DNAJC5B: variants seen among roughly 807,000 people sequenced by gnomAD.
The protein encoded by DNAJC5B is DnaJ heat shock protein family (Hsp40) member C5 beta.
Under a neutral mutation model 24.7 loss-of-function variants are expected in DNAJC5B, and 23 were observed. That is an observed-to-expected ratio of 0.93 (90% CI 0.67 to 1.32). The LOEUF (loss-of-function observed/expected upper bound fraction) is 1.32. Ranked by LOEUF, DNAJC5B falls within the 40% of genes most tolerant of loss-of-function variation. DNAJC5B has a pLI of 0.00. For synonymous variants in DNAJC5B, 101 were observed against 90.1 expected (o/e 1.12, Z -0.68); for missense variants, 238 against 240.8 (o/e 0.99, Z 0.08).
At chr8:66,032,447 A>T (rs1806379526) in intron 1 of DNAJC5B, among the ~76,000 whole-genome samples, 2 of 152,170 alleles carry the variant, frequency 1.3e-5, no homozygotes, top group Non-Finnish European at 2.9e-5. Context: ...CTTTGTGTGG[A>T]TATTATTATT....
At chr8:66,093,823 T>C (rs924106105) in intron 5 of DNAJC5B, among the ~76,000 whole-genome samples, 1 of 152,186 alleles carries the variant, frequency 6.6e-6, no homozygotes, top group Non-Finnish European at 1.5e-5. Flanking sequence ...GATGTTCTCC[T>C]ATATAGATTT....
At chr8:66,035,982 C>A (rs776187979) in intron 1 of DNAJC5B, among the ~76,000 whole-genome samples, 2 of 152,190 alleles carry the variant, frequency 1.3e-5, no homozygotes, top group African/African-American at 2.4e-5. Context: ...GCTTTCCCTT[C>A]TAAATGGCAA....
chr8:66,046,100 C>T (rs1271499327), intron 2 of DNAJC5B, among the ~76,000 whole-genome samples: 1 of 152,154 alleles, frequency 6.6e-6, no homozygotes, highest in Admixed American at 6.5e-5. Context: ...AGCCACAGGG[C>T]TTCCTGGAAA....
intron 1 of DNAJC5B, among the ~76,000 whole-genome samples, chr8:66,039,997 C>A (rs1361250053): frequency 6.6e-6 from 1 of 152,140 alleles, no homozygotes. Flanking sequence ...TAGTATAATT[C>A]TTGGCACATC....
At chr8:66,055,249 A>T (rs955885577) in intron 3 of DNAJC5B, among the ~76,000 whole-genome samples, 2 of 152,240 alleles carry the variant, frequency 1.3e-5, no homozygotes, top group Non-Finnish European at 2.9e-5. Context: ...TTCTCCCTAA[A>T]TTACACATTT....
intron 2 of DNAJC5B, among the ~76,000 whole-genome samples, chr8:66,048,575 T>G (rs1046721919): frequency 6.6e-6 from 1 of 152,034 alleles, no homozygotes; most frequent in Non-Finnish European, 1.5e-5. Flanking sequence ...TGGTCTAAAC[T>G]CCCCTCATCT....
chr8:66,096,762 A>G (rs1444175739), intron 5 of DNAJC5B, among the ~76,000 whole-genome samples: 1 of 152,066 alleles, frequency 6.6e-6, no homozygotes, highest in Non-Finnish European at 1.5e-5. Context: ...TTATTTTTAA[A>G]TGTAGCTTGG....
At chr8:66,047,652 T>C (rs1439145168) in intron 2 of DNAJC5B, among the ~76,000 whole-genome samples, 3 of 152,210 alleles carry the variant, frequency 2.0e-5, no homozygotes, top group Non-Finnish European at 4.4e-5. Context: ...CCTAATTCCC[T>C]GTTCTCCTTC....
At chr8:66,049,565 A>G (rs1335012982) in intron 2 of DNAJC5B, among the ~76,000 whole-genome samples, 1 of 152,232 alleles carries the variant, frequency 6.6e-6, no homozygotes, top group Non-Finnish European at 1.5e-5. Flanking sequence ...AGTAGGCTCT[A>G]TTATCTAGGT....
chr8:66,082,251 A>G (rs1807612234), intron 5 of DNAJC5B, among the ~76,000 whole-genome samples: 1 of 151,992 alleles, frequency 6.6e-6, no homozygotes, highest in African/African-American at 2.4e-5. Flanking sequence ...CCACTGGGTC[A>G]ACCTAACTGA....
At chr8:66,079,801 A>T (rs1586107649) in intron 4 of DNAJC5B, among the ~76,000 whole-genome samples, 2 of 152,314 alleles carry the variant, frequency 1.3e-5, no homozygotes, top group East Asian at 3.9e-4. Context: ...GAGGCTGCTG[A>T]AGTGTCCAGA....
intron 5 of DNAJC5B, among the ~76,000 whole-genome samples, chr8:66,083,045 T>A (rs2128965215): frequency 7.0e-6 from 1 of 143,292 alleles, no homozygotes; most frequent in African/African-American, 2.7e-5. Context: ...AGTCTCTCTC[T>A]CTGTTGCCCA....
chr8:66,051,109 C>T (rs986216902), intron 2 of DNAJC5B, among the ~76,000 whole-genome samples: 1 of 152,154 alleles, frequency 6.6e-6, no homozygotes, highest in Admixed American at 6.5e-5. Context: ...GGACAACATC[C>T]CCCAGCCACT....
chr8:66,074,167 A>G (rs1342670001), intron 3 of DNAJC5B, among the ~76,000 whole-genome samples: 1 of 152,240 alleles, frequency 6.6e-6, no homozygotes, highest in East Asian at 1.9e-4. Context: ...TAACAGCCTC[A>G]TATAAACCAC....
intron 3 of DNAJC5B, among the ~76,000 whole-genome samples, chr8:66,059,165 G>C (rs1807028318): frequency 6.6e-6 from 1 of 152,192 alleles, no homozygotes; most frequent in Non-Finnish European, 1.5e-5. Flanking sequence ...CATCCCAAAG[G>C]GGTTGAAGTC....
At chr8:66,048,484 A>G (rs1806773594) in intron 2 of DNAJC5B, among the ~76,000 whole-genome samples, 1 of 152,166 alleles carries the variant, frequency 6.6e-6, no homozygotes, top group South Asian at 2.1e-4. Context: ...TTATGCAAAC[A>G]TCTCTTCAGT....
At chr8:66,036,194 A>G (rs944640275) in intron 1 of DNAJC5B, among the ~76,000 whole-genome samples, 1 of 152,214 alleles carries the variant, frequency 6.6e-6, no homozygotes, top group Non-Finnish European at 1.5e-5. Flanking sequence ...TAGCCTTGGC[A>G]TTCCCCAGCA....
Position 66,062,643 on chromosome 8 carries a change from T to C in DNAJC5B, c.119+10977T>C, listed in dbSNP as rs146773064. Among the ~76,000 whole-genome samples the C allele has an allele frequency of 2.9e-3, 436 of 152,298 alleles. 4 individuals carry two copies. The highest frequency in any genetic ancestry group is 9.2e-3 in the African/African-American group (384 of 41,580). ...AAGAAATCATGCAAAGATCTAGCTCTTCCTTGGCTTTTTAGAGAGCCACAA... is the reference window on the plus strand; with the variant it reads ...AAGAAATCATGCAAAGATCTAGCTCCTCCTTGGCTTTTTAGAGAGCCACAA... On this transcript the variant is annotated intron_variant, in intron 3 of 5. Coordinates refer to ENST00000276570, the MANE Select transcript of DNAJC5B (RefSeq NM_033105.6).
intron 3 of DNAJC5B, among the ~76,000 whole-genome samples, chr8:66,056,054 C>CA (rs1806955939): frequency 6.6e-6 from 1 of 152,112 alleles, no homozygotes; most frequent in South Asian, 2.1e-4. Flanking sequence ...GGAAATAACA[C>CA]AAGAGACAAC....
Sources: allele counts gnomAD v4.1 joint callset (sites outside exome capture counted in the v4.1 genomes callset), GRCh38; gene constraint gnomAD v4.1.1; transcripts MANE v1.5; gene names NCBI Gene and HGNC (gene_info 2026-07-23, HGNC 2026-07-21).